RET: variants seen among roughly 807,000 people sequenced by gnomAD.
RET encodes ret proto-oncogene, also known as proto-oncogene tyrosine-protein kinase receptor Ret.
A neutral mutation model predicts 118.3 loss-of-function variants in RET; 19 were observed. That is an observed-to-expected ratio of 0.16 (90% CI 0.11 to 0.24). The LOEUF (loss-of-function observed/expected upper bound fraction) is 0.24, where lower values mean the gene tolerates loss of function less well. Among genes scored for constraint, RET ranks in the 10% least tolerant of loss-of-function variants. The pLI, the probability that RET is intolerant of heterozygous loss-of-function variation, is 1.00. For synonymous variants in RET, 597 were observed against 644.1 expected (o/e 0.93, Z 1.11); for missense variants, 1,219 against 1,502.1 (o/e 0.81, Z 3.12).
chr10:43,119,769 C>T lies in RET; in HGVS notation c.2607+24C>T, dbSNP rs779255047. ...AGGTGCGTGCATATGGCTCTGCACC[C>T]AGCCAGCCCCGGCCAGGCCACACCC... is the stretch of plus-strand genomic sequence containing the variant. On this transcript the variant is annotated intron_variant, in intron 14 of 19. Transcript: ENST00000355710. The T allele has an allele frequency of 3.3e-5, 53 of 1,608,198 alleles. No individual in the cohort carries two copies. Among genetic ancestry groups the T allele is most frequent in the Non-Finnish European group, 4.3e-5 (51 of 1,177,554 alleles).
intron 5 of RET, among the ~76,000 whole-genome samples, chr10:43,107,345 C>T (rs897461356): frequency 6.6e-6 from 1 of 152,188 alleles, no homozygotes; most frequent in African/African-American, 2.4e-5. Context: ...AGTGCCCCTC[C>T]CATCATTGTT....
intron 12 of RET, 131 bp from the exon 13 acceptor site, chr10:43,118,242 A>G: frequency 1.3e-6 from 1 of 752,592 alleles, no homozygotes; most frequent in Non-Finnish European, 2.4e-6. Context: ...AGAAGCCTCA[A>G]GCAGCATCGT....
chr10:43,128,860 A>AT lies in RET; in HGVS notation c.*599dup, dbSNP rs886046999. ...CTCAGCATTCGAGATCTTGAGAATG[A>AT]TTTTTTTTAAATCATGCAACCTTTC... is the stretch of plus-strand genomic sequence containing the variant. On this transcript the variant is annotated 3_prime_UTR_variant, in exon 20 of 20. Transcript: ENST00000355710. 6.8e-5 allele frequency: 16 copies of AT among 236,584 alleles called. No homozygotes were observed. The highest frequency in any genetic ancestry group is 1.3e-3 in the Middle Eastern group (1 of 784). 14.7% of individuals were successfully genotyped at this position (236,584 alleles called of 1,614,324 possible).
At chr10:43,121,252 AC>A (rs1207013242) in intron 15 of RET, among the ~76,000 whole-genome samples, 7 of 152,240 alleles carry the variant, frequency 4.6e-5, no homozygotes, top group Non-Finnish European at 8.8e-5. Context: ...TGCACTAAGG[AC>A]ATAAATCCCT....
chr10:43,081,579 T>G (rs911926286), intron 1 of RET, among the ~76,000 whole-genome samples: 2 of 152,170 alleles, frequency 1.3e-5, no homozygotes, highest in Admixed American at 1.3e-4. Flanking sequence ...TGTCTCTCCG[T>G]GCCCGTCTGC....
chr10:43,100,465 T>C lies in RET; in HGVS notation c.80T>C (p.Leu27Ser). ...LLLPLLGKVA[L>S]GLYFSRDAYW... ...ACTTCCCTACTTCCCACAGTGGCAT[T>C]GGGCCTCTACTTCTCGAGGGATGCT... The change falls in exon 2 of 20, where the codon TTG (leucine) becomes TCG (serine). Residue 27 changes from leucine (L) to serine (S), a missense_variant. Physicochemically the swap from Leu to Ser is moderately radical, Grantham distance 145. Transcript: ENST00000355710. 1 of 1,613,702 alleles carries C rather than the reference T, an allele frequency of 6.2e-7. No individual in the cohort carries two copies. Among genetic ancestry groups the C allele is most frequent in the Non-Finnish European group, 8.5e-7 (1 of 1,180,002 alleles).
At position 43,105,288 on chromosome 10, in the gene RET, T is replaced by C. The variant is rs937769872; in HGVS notation, c.867+95T>C. The C allele has an allele frequency of 1.9e-5, 30 of 1,558,990 alleles. No individual in the cohort carries two copies. In the African/African-American group the frequency reaches 3.1e-4, roughly 16 times the overall value. On this transcript the variant is annotated intron_variant, in intron 4 of 19. Transcript: ENST00000355710. ...TAGTGTCCGTGTAGCCACCCAACCG[T>C]GTGGCCGACCATTCGCGCTTTCATT...
At position 43,106,552 on chromosome 10, in the gene RET, G is replaced by T; in HGVS notation, c.1044G>T (p.Arg348=). The T allele has an allele frequency of 6.2e-7, 1 of 1,613,630 alleles. No individual in the cohort carries two copies. Among genetic ancestry groups the T allele is most frequent in the South Asian group, 1.1e-5 (1 of 91,060 alleles). ...TCCAGGCCAACGGCAGCTTCGTGCG[G>T]GCGACCGTACATGACTATAGTAAGA... ...TSVQANGSFV[R]ATVHDYRLVL... is the part of the protein sequence containing the mutation. Residue 348 remains arginine (R), a synonymous_variant, in exon 5 of 20, where the codon CGG becomes CGT. Transcript: ENST00000355710. This position sits in a 1 kb window ranked among gnomAD's most constrained non-coding sequence, Gnocchi z 5.1.
intron 1 of RET, among the ~76,000 whole-genome samples, chr10:43,098,262 A>G (rs966574222): frequency 6.6e-6 from 1 of 152,146 alleles, no homozygotes; most frequent in African/African-American, 2.4e-5. Flanking sequence ...CCCAAGCCCT[A>G]GCAATCACCA....
chr10:43,108,998 G>A lies in RET; in HGVS notation c.1064-33G>A, dbSNP rs376315942. 8.7e-5 allele frequency: 140 copies of A among 1,604,186 alleles called. 1 individual carries two copies. In the African/African-American group the frequency reaches 1.7e-3, roughly 19 times the overall value. On this transcript the variant is annotated intron_variant, in intron 5 of 19. Coordinates refer to ENST00000355710, the MANE Select transcript of RET (RefSeq NM_020975.6). ...TACACATGAGGAAGCAGCCAGAGCA[G>A]CTTGGTGGTCATTGTTGTGCCCCTA...
intron 1 of RET, among the ~76,000 whole-genome samples, chr10:43,091,357 G>A (rs560176673): frequency 2.6e-5 from 4 of 151,934 alleles, no homozygotes; most frequent in South Asian, 2.1e-4. Context: ...GGCCAGGTGC[G>A]GTGGCTCACT....
Position 43,113,612 on chromosome 10 carries a change from T to C in RET, c.1816T>C (p.Tyr606His), listed in dbSNP as rs199921511. 3 of 1,613,072 alleles carry C rather than the reference T, an allele frequency of 1.9e-6. No individual in the cohort carries two copies. In the East Asian group the frequency reaches 6.7e-5, roughly 36 times the overall value. Residue 606 changes from tyrosine (Y) to histidine (H), a missense_variant, in exon 10 of 20, where the codon TAT becomes CAT. Transcript: ENST00000355710. The stretch of plus-strand genomic sequence containing the variant: ...GGAGCCCCGGGGGATTAAAGCTGGC[T>C]ATGGCACCTGCAACTGCTTCCCTGA... ...PGEPRGIKAG[Y>H]GTCNCFPEEE...
In RET at chr10:43,077,225, G is replaced by T; in HGVS notation, c.-34G>T. On this transcript the variant is annotated 5_prime_UTR_variant, in exon 1 of 20. Coordinates refer to ENST00000355710, the MANE Select transcript of RET (RefSeq NM_020975.6). ...TCCAGACCCGCCGGCCCTAGCCGCAGTCCCTCCAGCCGTGGCCCCAGCGCG... is the reference window on the plus strand; with the variant it reads ...TCCAGACCCGCCGGCCCTAGCCGCATTCCCTCCAGCCGTGGCCCCAGCGCG... 6.8e-7 allele frequency: 1 copy of T among 1,476,494 alleles called. No individual in the cohort carries two copies. The highest frequency in any genetic ancestry group is 9.0e-7 in the Non-Finnish European group (1 of 1,117,028). The allele number at this position is 1,476,494 out of a possible 1,614,324, so 91.5% of individuals were successfully genotyped here.
intron 1 of RET, among the ~76,000 whole-genome samples, chr10:43,080,626 GGT>G (rs1211193611): frequency 6.6e-6 from 1 of 152,222 alleles, no homozygotes; most frequent in Non-Finnish European, 1.5e-5. Flanking sequence ...CCCACCCACT[GGT>G]GAGTCCCCCC....
At chr10:43,107,559 T>TCACA (rs59876947) in intron 5 of RET, among the ~76,000 whole-genome samples, 10,077 of 140,562 alleles carry the variant, frequency 0.072, 389 homozygotes, top group Middle Eastern at 0.19. Context: ...CCCCCATGCC[T>TCACA]CACACACACA....
At chr10:43,094,240 C>G (rs1837472198) in intron 1 of RET, among the ~76,000 whole-genome samples, 1 of 151,964 alleles carries the variant, frequency 6.6e-6, no homozygotes, top group South Asian at 2.1e-4. Context: ...GCCCTGGGGC[C>G]TGTTTCCCAT....
intron 1 of RET, among the ~76,000 whole-genome samples, chr10:43,093,391 G>A (rs2132608285): frequency 6.6e-6 from 1 of 152,258 alleles, no homozygotes; most frequent in East Asian, 1.9e-4. Context: ...GAGCAGTGAG[G>A]TGGGGCCATA....
At chr10:43,124,334 C>T (rs1003188855) in intron 17 of RET, among the ~76,000 whole-genome samples, 2 of 152,098 alleles carry the variant, frequency 1.3e-5, no homozygotes, top group African/African-American at 2.4e-5. Context: ...GTGGAGGGGG[C>T]ATGCTGGGCC....
rs1176090269 is a variant in RET, at chr10:43,111,214, A to G, written c.1271A>G (p.Lys424Arg). ...TCCCCTGTGCCCCCCTAGATCGGGA[A>G]AGTCTGTGTGGAAAACTGCCAGGCA... is the stretch of plus-strand genomic sequence containing the variant. ...RRARRFAQIG[K>R]VCVENCQAFS... Residue 424 changes from lysine (K) to arginine (R), a missense_variant, in exon 7 of 20, where the codon AAA becomes AGA. Physicochemically the swap from Lys to Arg is conservative, Grantham distance 26. This residue lies in a region of RET where 850 missense variants were observed against 969.6 expected (regional missense o/e 0.88). Coordinates refer to ENST00000355710, the MANE Select transcript of RET (RefSeq NM_020975.6). The G allele has an allele frequency of 1.2e-6, 2 of 1,613,892 alleles. No individual in the cohort carries two copies.
Sources: gnomAD v4.1 joint callset for allele counts (sites outside exome capture counted in the v4.1 genomes callset) on GRCh38, gnomAD v4.1.1 for gene constraint, gnomAD v4.1.1 regional missense constraint, Gnocchi (gnomAD v3.1) non-coding constraint, MANE v1.5 for transcripts, NCBI Gene and HGNC (gene_info 2026-07-23, HGNC 2026-07-21) for gene names.